Variants in DIP2A observed in about 807,000 individuals in gnomAD.
The protein encoded by DIP2A is DIP2 acetate--CoA ligase A.
DIP2A carries 85 observed loss-of-function variants against 177.4 expected under a neutral mutation model. The observed-to-expected ratio is 0.48, with a 90% CI of 0.40 to 0.57. The LOEUF (loss-of-function observed/expected upper bound fraction) is 0.57. Among genes scored for constraint, DIP2A ranks in the 20% least tolerant of loss-of-function variants. The probability of loss-of-function intolerance (pLI) is 0.00; values close to 1 mark genes in which losing one functional copy is unlikely to be tolerated. For synonymous variants in DIP2A, 886 were observed against 881.8 expected, an observed-to-expected ratio of 1.00 and a Z score of -0.08; for missense variants, 1,791 against 2,100.2, an observed-to-expected ratio of 0.85 and a Z score of 2.88.
At chr21:46,526,576 G>T (rs969224182) in intron 8 of DIP2A, among the ~76,000 whole-genome samples, 2 of 151,840 alleles carry the variant, frequency 1.3e-5, no homozygotes, top group Non-Finnish European at 2.9e-5. Context: ...TTGTATTTTA[G>T]TAGAGACAGG....
At chr21:46,524,040 A>G (rs1412781294) in intron 8 of DIP2A, among the ~76,000 whole-genome samples, 1 of 152,234 alleles carries the variant, frequency 6.6e-6, no homozygotes, top group Admixed American at 6.5e-5. Flanking sequence ...TCAGTAATGA[A>G]GGGATCTTTT....
intron 1 of DIP2A, chr21:46,469,432 A>G (rs1380799833): frequency 6.6e-6 from 1 of 152,254 alleles, no homozygotes; most frequent in African/African-American, 2.4e-5. Context: ...GAAAAAACTT[A>G]AGAGGAGACT....
the DIP2A span, among the ~76,000 whole-genome samples, chr21:46,579,608 C>G: frequency 2.6e-5 from 4 of 152,204 alleles, no homozygotes; most frequent in Non-Finnish European, 5.9e-5. Flanking sequence ...AAATTTTCCT[C>G]TTAATGCTGC....
At chr21:46,495,679 C>T (rs898810807) in intron 3 of DIP2A, among the ~76,000 whole-genome samples, 2 of 152,062 alleles carry the variant, frequency 1.3e-5, no homozygotes, top group Non-Finnish European at 2.9e-5. Context: ...ACAGGCATAG[C>T]TTACTGCACC....
intron 8 of DIP2A, among the ~76,000 whole-genome samples, chr21:46,516,488 C>CCTTTT (rs2058579913): frequency 3.9e-5 from 3 of 76,362 alleles, no homozygotes; most frequent in African/African-American, 1.3e-4. Flanking sequence ...TCTGAAATTT[C>CCTTTT]TTTTTTTTTT....
chr21:46,530,713 T>C (rs2059320713), intron 9 of DIP2A, among the ~76,000 whole-genome samples: 1 of 151,972 alleles, frequency 6.6e-6, no homozygotes, highest in Non-Finnish European at 1.5e-5. Flanking sequence ...CAGGACAATA[T>C]CCCGGACCTG....
chr21:46,471,663 C>T (rs559396856), intron 1 of DIP2A, among the ~76,000 whole-genome samples: 1 of 152,316 alleles, frequency 6.6e-6, no homozygotes, highest in South Asian at 2.1e-4. Context: ...GCTGTTACTT[C>T]TATTGTGTAT....
rs1555887429 is a variant in DIP2A, at chr21:46,506,724, TTTTCTTTCTTTC to T, written c.784+2275_784+2286del. Among the ~76,000 whole-genome samples, 253 of 78,932 alleles carry T rather than the reference TTTTCTTTCTTTC, an allele frequency of 3.2e-3. 2 individuals are homozygous for T. Among genetic ancestry groups the T allele is most frequent in the African/African-American group, 5.9e-3 (125 of 21,244 alleles). The allele number at this position is 78,932 out of a possible 152,430, so 51.8% of individuals were successfully genotyped here. ...TATTTTTTTTTTTAATTGTGCTTGT[TTTTCTTTCTTTC>T]TTTCTTTCTTTCTTTCTTTCTTTCT... is the stretch of plus-strand genomic sequence containing the variant. On this transcript the variant is annotated intron_variant, in intron 6 of 37. Transcript: ENST00000417564.
intron 3 of DIP2A, among the ~76,000 whole-genome samples, chr21:46,495,159 TCC>T (rs2057239827): frequency 6.8e-6 from 1 of 147,826 alleles, no homozygotes; most frequent in African/African-American, 2.5e-5. Flanking sequence ...CCTCCATCCC[TCC>T]CTCTTTCTCT....
chr21:46,563,826 T>C lies in DIP2A; in HGVS notation c.4090-32T>C, dbSNP rs573901139. 2.5e-5 allele frequency: 40 copies of C among 1,609,684 alleles called. No homozygotes were observed. The highest frequency in any genetic ancestry group is 5.4e-5 in the African/African-American group (4 of 74,764). On this transcript the variant is annotated intron_variant, in intron 34 of 37. Transcript: ENST00000417564. The surrounding 1 kb of genome is among the most constrained non-coding windows in gnomAD (Gnocchi z 4.3). ...CAAGAGAGTCTCGTGTCATGTTTTC[T>C]TTAACAAGGGACATAGCTCTCCTCC...
chr21:46,557,495 T>G lies in DIP2A; in HGVS notation c.3630-90T>G. The G allele has an allele frequency of 3.5e-6, 5 of 1,430,504 alleles. No homozygotes were observed. Among genetic ancestry groups the G allele is most frequent in the South Asian group, 1.4e-5 (1 of 73,270 alleles). 88.6% of individuals were successfully genotyped at this position (1,430,504 alleles called of 1,614,324 possible). A position where few individuals can be genotyped will look rare whatever the true frequency, so the allele number is the denominator to read the frequency against. On this transcript the variant is annotated intron_variant, in intron 30 of 37. Transcript: ENST00000417564. This position sits in a 1 kb window ranked among gnomAD's most constrained non-coding sequence, Gnocchi z 6.0. ...ACAGAAATCATGCCCCTGTTGTGGC[T>G]GGAAAAGAAGTGTTCTTGAGGAAGG...
chr21:46,533,546 G>A lies in DIP2A; in HGVS notation c.1328G>A (p.Gly443Glu). 6.2e-7 allele frequency: 1 copy of A among 1,613,898 alleles called. No individual in the cohort carries two copies. Among genetic ancestry groups the A allele is most frequent in the Non-Finnish European group, 8.5e-7 (1 of 1,179,848 alleles). Residue 443 changes from glycine to glutamate, a missense_variant, in exon 11 of 38, where the codon GGG (glycine) becomes GAG (glutamate). Coordinates refer to ENST00000417564, the MANE Select transcript of DIP2A (RefSeq NM_015151.4). ...CAGGATGCAGGCAGCCAGCAGGTTGGGTTTCTGCTGGGCAGCTGTGGAGTC... is the reference window on the plus strand; with the variant it reads ...CAGGATGCAGGCAGCCAGCAGGTTGAGTTTCTGCTGGGCAGCTGTGGAGTC... ...TRKDAGSQQVGFLLGSCGVFL... is the reference protein window; with the variant it reads ...TRKDAGSQQVEFLLGSCGVFL...
At chr21:46,493,088 A>G (rs1386665774) in intron 3 of DIP2A, among the ~76,000 whole-genome samples, 2 of 152,222 alleles carry the variant, frequency 1.3e-5, no homozygotes, top group East Asian at 1.9e-4. Flanking sequence ...GATCTTGGAC[A>G]TACAGTCTCC....
At chr21:46,497,978 A>T (rs1469573726) in intron 4 of DIP2A, among the ~76,000 whole-genome samples, 1 of 152,246 alleles carries the variant, frequency 6.6e-6, no homozygotes, top group Admixed American at 6.5e-5. Flanking sequence ...TGACTTGAAG[A>T]AACCTTAATG....
In DIP2A at chr21:46,556,953, C is replaced by T; in HGVS notation, c.3513C>T (p.Ala1171=). 6.3e-7 allele frequency: 1 copy of T among 1,575,074 alleles called. No individual in the cohort carries two copies. The highest frequency in any genetic ancestry group is 8.6e-7 in the Non-Finnish European group (1 of 1,158,508). Residue 1171 remains alanine (A), a synonymous_variant, in exon 30 of 38, where the codon GCC becomes GCT. Transcript: ENST00000417564. The surrounding 1 kb of genome is among the most constrained non-coding windows in gnomAD (Gnocchi z 4.5). ...TTACTCTTAAGATGTCGCACGCGGC[C>T]ACAAGCGCCTTATGCCGCTCCATAA... is the stretch of plus-strand genomic sequence containing the variant. ...ILAGVKMSHA[A]TSALCRSIKL...
intron 5 of DIP2A, among the ~76,000 whole-genome samples, chr21:46,501,767 T>C (rs138582479): frequency 6.4e-4 from 97 of 152,364 alleles, no homozygotes; most frequent in Middle Eastern, 3.4e-3. Context: ...CATGTATGTA[T>C]ACCATGTATA....
At chr21:46,538,416 G>A in intron 15 of DIP2A, 67 bp from the exon 16 acceptor site, 1 of 1,516,912 alleles carries the variant, frequency 6.6e-7, no homozygotes, top group East Asian at 2.5e-5. Flanking sequence ...AGGTACACGT[G>A]TCTGTAGGCG....
intron 3 of DIP2A, among the ~76,000 whole-genome samples, chr21:46,496,486 T>C (rs1043857578): frequency 1.3e-5 from 2 of 152,204 alleles, no homozygotes; most frequent in Admixed American, 6.5e-5. Context: ...TCCAATCTTT[T>C]GGCTACCTTG....
At chr21:46,520,416 A>G (rs930467464) in intron 8 of DIP2A, among the ~76,000 whole-genome samples, 5 of 152,212 alleles carry the variant, frequency 3.3e-5, no homozygotes, top group Middle Eastern at 3.2e-3. Context: ...TGTTAGTCCT[A>G]TTAGTTCAGC....
Sources: allele counts gnomAD v4.1 joint callset (sites outside exome capture counted in the v4.1 genomes callset), GRCh38; gene constraint gnomAD v4.1.1; non-coding constraint Gnocchi (gnomAD v3.1); transcripts MANE v1.5; gene names NCBI Gene and HGNC (gene_info 2026-07-23, HGNC 2026-07-21).